Variants in CSMD1 observed in about 807,000 individuals in gnomAD.
The protein encoded by CSMD1 is CUB and Sushi multiple domains 1.
Under a neutral mutation model 417.5 loss-of-function variants are expected in CSMD1, and 213 were observed. The observed-to-expected ratio is 0.51, with a 90% CI of 0.46 to 0.57. The LOEUF (loss-of-function observed/expected upper bound fraction) is 0.57. Ranked by LOEUF, CSMD1 falls within the 20% of genes least tolerant of loss-of-function variation. CSMD1 has a pLI of 0.00. For synonymous variants in CSMD1, 2,862 were observed against 1,736.8 expected (o/e 1.65, Z -16.11); for missense variants, 6,923 against 4,529.7 (o/e 1.53, Z -15.17).
intron 8 of CSMD1, among the ~76,000 whole-genome samples, chr8:3,587,617 A>G (rs1331007966): frequency 2.6e-5 from 4 of 152,170 alleles, no homozygotes; most frequent in Non-Finnish European, 5.9e-5. Flanking sequence ...CACGGCATCT[A>G]TGTAACACTC....
chr8:3,414,937 C>G (rs1466051247), intron 12 of CSMD1, among the ~76,000 whole-genome samples: 1 of 152,116 alleles, frequency 6.6e-6, no homozygotes, highest in Non-Finnish European at 1.5e-5. Flanking sequence ...TGCGGCAAGA[C>G]CTGTCACTCT....
intron 50 of CSMD1, among the ~76,000 whole-genome samples, chr8:3,031,240 C>T (rs1355701592): frequency 6.9e-6 from 1 of 144,910 alleles, no homozygotes; most frequent in Non-Finnish European, 1.5e-5. Flanking sequence ...CGCATGTTCT[C>T]ACTCATAGGT....
rs556782520 is a variant in CSMD1 at position 3,520,272 on chromosome 8, T to A, written c.1345-26546A>T. ...CAGAGAGGAAGCACCATACCAAACTTGAAGTTTCAACCTCCTCTATTCCAA... is the reference window on the plus strand; with the variant it reads ...CAGAGAGGAAGCACCATACCAAACTAGAAGTTTCAACCTCCTCTATTCCAA... On this transcript the variant is annotated intron_variant, in intron 10 of 69. Coordinates refer to ENST00000635120, the MANE Select transcript of CSMD1 (RefSeq NM_033225.6). Among the ~76,000 whole-genome samples, 9 of 152,178 alleles carry A rather than the reference T, an allele frequency of 5.9e-5. No individual in the cohort carries two copies. In the South Asian group the frequency reaches 1.9e-3, roughly 32 times the overall value.
intron 26 of CSMD1, among the ~76,000 whole-genome samples, chr8:3,276,364 C>T (rs534634398): frequency 1.1e-4 from 16 of 152,292 alleles, no homozygotes; most frequent in South Asian, 1.0e-3. Context: ...TCTTCTGTGT[C>T]GTTCACGCTG....
chr8:4,419,523 T>G (rs1309633822), intron 3 of CSMD1, among the ~76,000 whole-genome samples: 1 of 152,070 alleles, frequency 6.6e-6, no homozygotes, highest in East Asian at 1.9e-4. Context: ...ATTTTCTCTC[T>G]TAAAAATTTC....
rs148010730 is a variant in CSMD1 at position 4,284,432 on chromosome 8, G to A, written c.415+135521C>T. On this transcript the variant is annotated intron_variant, in intron 3 of 69. Coordinates refer to ENST00000635120, the MANE Select transcript of CSMD1 (RefSeq NM_033225.6). Reference sequence around the variant, plus strand: ...TCAGGAGAGACAAACACTGCGGGAGGGTACCTCCACTCCGTGTTCCCTCCC... The same window carrying A: ...TCAGGAGAGACAAACACTGCGGGAGAGTACCTCCACTCCGTGTTCCCTCCC... Among the ~76,000 whole-genome samples the A allele has an allele frequency of 7.4e-5, 11 of 147,760 alleles. 1 individual carries two copies. The highest frequency in any genetic ancestry group is 2.7e-4 in the African/African-American group (11 of 40,180).
At chr8:3,176,456 TA>T (rs1315130667) in intron 37 of CSMD1, among the ~76,000 whole-genome samples, 1 of 152,130 alleles carries the variant, frequency 6.6e-6, no homozygotes, top group Non-Finnish European at 1.5e-5. Context: ...ACAGTTAACC[TA>T]AAAAATATTT....
At chr8:4,888,467 G>A (rs1487678895) in intron 1 of CSMD1, among the ~76,000 whole-genome samples, 2 of 151,720 alleles carry the variant, frequency 1.3e-5, no homozygotes, top group Admixed American at 6.6e-5. Context: ...GCACGTATAG[G>A]TGTGTGAGCA....
At chr8:4,791,519 A>G (rs536839277) in intron 1 of CSMD1, among the ~76,000 whole-genome samples, 1 of 152,180 alleles carries the variant, frequency 6.6e-6, no homozygotes, top group Non-Finnish European at 1.5e-5. Context: ...CCAATCCCCT[A>G]AAGTTGTATA....
chr8:3,204,815 A>C lies in CSMD1; in HGVS notation c.4984+689T>G, dbSNP rs149270706. ...TATTGGAAAGAGGGACATAGTCTTT[A>C]AGATGATGACAGCTACTATCTGGTT... On this transcript the variant is annotated intron_variant, in intron 31 of 69. Coordinates refer to ENST00000635120, the MANE Select transcript of CSMD1 (RefSeq NM_033225.6). 5.9e-5 allele frequency among the ~76,000 whole-genome samples: 9 copies of C among 152,332 alleles called. No homozygotes were observed. In the East Asian group the frequency reaches 1.7e-3, roughly 29 times the overall value.
intron 1 of CSMD1, among the ~76,000 whole-genome samples, chr8:4,777,905 C>G (rs551177355): frequency 5.3e-5 from 8 of 152,266 alleles, no homozygotes; most frequent in African/African-American, 1.9e-4. Context: ...ACTACCTATC[C>G]CACATCAAAG....
intron 5 of CSMD1, among the ~76,000 whole-genome samples, chr8:3,772,904 C>T (rs1443236542): frequency 1.3e-5 from 2 of 151,994 alleles, no homozygotes; most frequent in African/African-American, 4.8e-5. Flanking sequence ...CAGATGAGGG[C>T]TGATAAAAGA....
At chr8:4,789,779 T>C (rs1797595684) in intron 1 of CSMD1, among the ~76,000 whole-genome samples, 2 of 152,222 alleles carry the variant, frequency 1.3e-5, no homozygotes, top group African/African-American at 2.4e-5. Flanking sequence ...GTTATCACTG[T>C]GTAATTTAGG....
At chr8:4,397,626 G>A (rs529482024) in intron 3 of CSMD1, among the ~76,000 whole-genome samples, 1 of 134,540 alleles carries the variant, frequency 7.4e-6, no homozygotes, top group East Asian at 2.3e-4. Context: ...TAATGAAACA[G>A]ACAATATGCA....
chr8:2,961,148 C>A lies in CSMD1; in HGVS notation c.9695G>T (p.Gly3232Val), dbSNP rs764112916. 2 of 1,581,266 alleles carry A rather than the reference C, an allele frequency of 1.3e-6. No homozygotes were observed. The highest frequency in any genetic ancestry group is 1.7e-6 in the Non-Finnish European group (2 of 1,157,598). ...PHFGIQNSSR[G>V]YEVGSTVFFR... ...AAATTCATAATGAACTACCTCATAG[C>A]CTCTGGAGCTATTCTGTATTCCAAA... The change falls in exon 62 of 70, where the codon GGC becomes GTC. Residue 3232 changes from glycine (G) to valine (V), a missense_variant. Transcript: ENST00000635120.
At chr8:4,419,185 C>G (rs1380754060) in intron 3 of CSMD1, among the ~76,000 whole-genome samples, 1 of 152,126 alleles carries the variant, frequency 6.6e-6, no homozygotes. Context: ...CGATAGATTG[C>G]TTTTTAAATT....
chr8:3,795,165 C>G lies in CSMD1; in HGVS notation c.819-41123G>C, dbSNP rs62641359. On this transcript the variant is annotated intron_variant, in intron 5 of 69. Transcript: ENST00000635120. The stretch of plus-strand genomic sequence containing the variant: ...TATCTATCATGTACAGCTATAGATA[C>G]CTATCATGTACAGCTATAGATACCT... Among the ~76,000 whole-genome samples the G allele has an allele frequency of 9.8e-4, 56 of 56,904 alleles. 2 individuals are homozygous for G. The highest frequency in any genetic ancestry group is 1.6e-3 in the East Asian group (3 of 1,864). 37.3% of individuals were successfully genotyped at this position (56,904 alleles called of 152,430 possible). A position where few individuals can be genotyped will look rare whatever the true frequency, so the allele number is the denominator to read the frequency against.
chr8:4,240,478 T>C (rs1175259078), intron 3 of CSMD1, among the ~76,000 whole-genome samples: 3 of 152,218 alleles, frequency 2.0e-5, no homozygotes, highest in Non-Finnish European at 2.9e-5. Context: ...CAATCTAAAA[T>C]AAGATGAAAT....
intron 10 of CSMD1, among the ~76,000 whole-genome samples, chr8:3,574,334 G>A (rs1487405971): frequency 6.6e-6 from 1 of 152,214 alleles, no homozygotes; most frequent in Non-Finnish European, 1.5e-5. Flanking sequence ...TCTGCCTCCT[G>A]GGTTCAAGCG....
Sources: gnomAD v4.1 joint callset for allele counts (sites outside exome capture counted in the v4.1 genomes callset) on GRCh38, gnomAD v4.1.1 for gene constraint, MANE v1.5 for transcripts, NCBI Gene and HGNC (gene_info 2026-07-23, HGNC 2026-07-21) for gene names.